ANTXR2: variants seen among roughly 807,000 people sequenced by gnomAD.
ANTXR2 encodes anthrax toxin receptor 2.
A neutral mutation model predicts 73.7 loss-of-function variants in ANTXR2; 44 were observed. That is an observed-to-expected ratio of 0.60 (90% CI 0.47 to 0.77). The LOEUF (loss-of-function observed/expected upper bound fraction) is 0.77. ANTXR2 is among the 30% of genes least tolerant of loss of function. The probability of loss-of-function intolerance (pLI) is 0.00; values close to 1 mark genes in which losing one functional copy is unlikely to be tolerated. For missense variants in ANTXR2, 604 were observed against 592.5 expected, an observed-to-expected ratio of 1.02 and a Z score of -0.20; for synonymous variants, 217 against 205.9, an observed-to-expected ratio of 1.05 and a Z score of -0.46.
At chr4:80,053,018 CCTT>C (rs1254446716) in intron 7 of ANTXR2, among the ~76,000 whole-genome samples, 1 of 151,438 alleles carries the variant, frequency 6.6e-6, no homozygotes, top group Non-Finnish European at 1.5e-5. Context: ...GGTCCTTTCT[CCTT>C]CCCAGTATAA....
intron 16 of ANTXR2, among the ~76,000 whole-genome samples, chr4:79,915,488 T>C (rs1283576168): frequency 6.6e-6 from 1 of 152,118 alleles, no homozygotes; most frequent in Non-Finnish European, 1.5e-5. Context: ...AAATATCCAT[T>C]GACAAGCTGA....
intron 11 of ANTXR2, among the ~76,000 whole-genome samples, chr4:80,018,026 T>G (rs1217379637): frequency 6.6e-6 from 1 of 152,164 alleles, no homozygotes; most frequent in Non-Finnish European, 1.5e-5. Flanking sequence ...ACAGATAACA[T>G]TGAATTGTTT....
intron 16 of ANTXR2, among the ~76,000 whole-genome samples, chr4:79,930,127 C>A: frequency 6.6e-6 from 1 of 152,026 alleles, no homozygotes. Context: ...ATTTCTATGT[C>A]TTGGATACTT....
chr4:80,044,628 C>T (rs1733432074), intron 7 of ANTXR2, among the ~76,000 whole-genome samples: 1 of 151,786 alleles, frequency 6.6e-6, no homozygotes, highest in Non-Finnish European at 1.5e-5. Context: ...GAAGATCAAC[C>T]ACCCAGCTTG....
chr4:80,020,651 C>T (rs1268532962), intron 10 of ANTXR2, among the ~76,000 whole-genome samples: 1 of 152,124 alleles, frequency 6.6e-6, no homozygotes, highest in Non-Finnish European at 1.5e-5. Flanking sequence ...ACTTTGAACT[C>T]TTTCCATCAT....
At chr4:79,962,332 G>A (rs1729177566) in intron 16 of ANTXR2, among the ~76,000 whole-genome samples, 1 of 152,028 alleles carries the variant, frequency 6.6e-6, no homozygotes, top group African/African-American at 2.4e-5. Context: ...AGTAAAAATG[G>A]CATGTTCATG....
At chr4:79,993,760 GCACACA>G (rs1553931141) in intron 12 of ANTXR2, among the ~76,000 whole-genome samples, 3 of 140,658 alleles carry the variant, frequency 2.1e-5, no homozygotes, top group African/African-American at 7.7e-5. Flanking sequence ...ACACACACAC[GCACACA>G]CACACACACA....
rs1173390978 is a variant in ANTXR2, at chr4:80,072,845, TC to T, written c.-286del. ...CCTCCCCCTCCCGATTCCGGAGAGT[TC>T]CTGCAGACAATGCGGGCCCACGGCG... On this transcript the variant is annotated 5_prime_UTR_variant, in exon 1 of 17. Coordinates refer to ENST00000403729, the MANE Select transcript of ANTXR2 (RefSeq NM_058172.6). The T allele has an allele frequency of 1.7e-6, 1 of 602,338 alleles. No homozygotes were observed. The allele number at this position is 602,338 out of a possible 1,614,324, so 37.3% of individuals were successfully genotyped here.
chr4:80,031,688 T>C lies in ANTXR2; in HGVS notation c.801A>G (p.Val267=). 6.7e-7 allele frequency: 1 copy of C among 1,487,586 alleles called. No individual in the cohort carries two copies. Among genetic ancestry groups the C allele is most frequent in the Non-Finnish European group, 8.9e-7 (1 of 1,123,428 alleles). The allele number at this position is 1,487,586 out of a possible 1,614,324, so 92.1% of individuals were successfully genotyped here. A position where few individuals can be genotyped will look rare whatever the true frequency, so the allele number is the denominator to read the frequency against. The change falls in exon 10 of 17, where the codon GTA becomes GTG. Residue 267 remains valine, a synonymous_variant. Coordinates refer to ENST00000403729, the MANE Select transcript of ANTXR2 (RefSeq NM_058172.6). ...AATTAAGCTGTACACTTACTGGTTTTACACCTAGAAAATAAAATGCCACTG... is the reference window on the plus strand; with the variant it reads ...AATTAAGCTGTACACTTACTGGTTTCACACCTAGAAAATAAAATGCCACTG... ...YTVNETYTTS[V]KPVSVQLNSM...
chr4:80,030,017 ATC>A (rs1211514977), intron 10 of ANTXR2, among the ~76,000 whole-genome samples: 3 of 152,012 alleles, frequency 2.0e-5, no homozygotes, highest in African/African-American at 7.2e-5. Context: ...ACATAAAATA[ATC>A]TGTTTTAACA....
chr4:79,926,954 C>T (rs1342202600), intron 16 of ANTXR2, among the ~76,000 whole-genome samples: 3 of 123,794 alleles, frequency 2.4e-5, no homozygotes, highest in Non-Finnish European at 3.4e-5. Context: ...TGTATATATA[C>T]GTGTGCATAT....
chr4:80,055,578 C>T, intron 4 of ANTXR2, 111 bp from the exon 5 acceptor site: 4 of 863,704 alleles, frequency 4.6e-6, no homozygotes, highest in Non-Finnish European at 7.3e-6. Context: ...TACTGGCTAG[C>T]TTTTAAAACA....
chr4:79,920,617 T>A (rs1727557010), intron 16 of ANTXR2, among the ~76,000 whole-genome samples: 1 of 152,042 alleles, frequency 6.6e-6, no homozygotes, highest in African/African-American at 2.4e-5. Flanking sequence ...AACATCTTTG[T>A]CATATCTGTG....
At position 79,903,590 on chromosome 4, in the gene ANTXR2, C is replaced by G. The variant is rs143107492; in HGVS notation, c.*3839G>C. ...CAAAAAAGTCTTTCTTTTATCCGAT[C>G]GACTGAATTAGATTCCAGTAGGTGT... On this transcript the variant is annotated 3_prime_UTR_variant, in exon 17 of 17. Coordinates refer to ENST00000403729, the MANE Select transcript of ANTXR2 (RefSeq NM_058172.6). The G allele has an allele frequency of 6.6e-6, 1 of 152,086 alleles. No individual in the cohort carries two copies. Among genetic ancestry groups the G allele is most frequent in the Admixed American group, 6.6e-5 (1 of 15,252 alleles). The allele number at this position is 152,086 out of a possible 1,614,324, so 9.4% of individuals were successfully genotyped here.
chr4:79,919,019 G>C (rs12505128), intron 16 of ANTXR2, among the ~76,000 whole-genome samples: 35,844 of 151,818 alleles, frequency 0.24, 5,051 homozygotes, highest in East Asian at 0.7. Context: ...TCCTGAGCAA[G>C]CAATGAAAAA....
At chr4:79,952,064 T>A (rs1728727211) in intron 16 of ANTXR2, among the ~76,000 whole-genome samples, 1 of 149,754 alleles carries the variant, frequency 6.7e-6, no homozygotes, top group Non-Finnish European at 1.5e-5. Context: ...CTAATTTTAT[T>A]TTATGCCTAT....
In ANTXR2 at chr4:80,059,131, T is replaced by C. The variant is rs139572030; in HGVS notation, c.297-3118A>G. ...TTTTCCAAAATTTTAGCACTCTTCT[T>C]TTTATATTTTATTAATTTTCTGCAA... On this transcript the variant is annotated intron_variant, in intron 3 of 16. Coordinates refer to ENST00000403729, the MANE Select transcript of ANTXR2 (RefSeq NM_058172.6). Among the ~76,000 whole-genome samples the C allele has an allele frequency of 7.9e-3, 1,201 of 152,108 alleles. 17 individuals carry two copies. The highest frequency in any genetic ancestry group is 0.027 in the African/African-American group (1,132 of 41,510).
At chr4:79,917,525 A>T (rs560368410) in intron 16 of ANTXR2, among the ~76,000 whole-genome samples, 42 of 152,228 alleles carry the variant, frequency 2.8e-4, no homozygotes, top group African/African-American at 9.9e-4. Flanking sequence ...AGTTAAGGGG[A>T]CTGTGGCAGT....
chr4:79,960,799 T>A (rs1276973946), intron 16 of ANTXR2, among the ~76,000 whole-genome samples: 2 of 151,836 alleles, frequency 1.3e-5, no homozygotes, highest in Non-Finnish European at 2.9e-5. Context: ...TATGGAAAAA[T>A]TTTTAAAGAA....
Sources: allele counts gnomAD v4.1 joint callset (sites outside exome capture counted in the v4.1 genomes callset), GRCh38; gene constraint gnomAD v4.1.1; transcripts MANE v1.5; gene names NCBI Gene and HGNC (gene_info 2026-07-23, HGNC 2026-07-21).